MNS1: variants seen among roughly 807,000 people sequenced by gnomAD.
MNS1 encodes meiosis specific nuclear structural 1.
MNS1 carries 63 observed loss-of-function variants against 72.0 expected under a neutral mutation model. The ratio of observed to expected loss-of-function variants is 0.87; its 90% CI spans 0.71 to 1.08. MNS1 has a LOEUF of 1.08. MNS1 is among the 50% of genes least tolerant of loss of function. MNS1 has a pLI of 0.00. For synonymous variants in MNS1, 188 were observed against 172.1 expected (o/e 1.09, Z -0.72); for missense variants, 604 against 562.4 (o/e 1.07, Z -0.75).
chr15:56,451,010 T>G (rs1416917679), intron 3 of MNS1, among the ~76,000 whole-genome samples: 4 of 152,250 alleles, frequency 2.6e-5, no homozygotes, highest in African/African-American at 9.6e-5. Flanking sequence ...TTTCATGTAC[T>G]TATCATTCAC....
intron 8 of MNS1, 123 bp downstream of exon 8, chr15:56,434,015 A>G: frequency 1.9e-6 from 2 of 1,047,772 alleles, no homozygotes; most frequent in Non-Finnish European, 2.7e-6. Flanking sequence ...ATTTATATAT[A>G]TATTAGTAAA....
At chr15:56,459,383 A>G (rs551472118) in intron 2 of MNS1, among the ~76,000 whole-genome samples, 19 of 152,122 alleles carry the variant, frequency 1.2e-4, no homozygotes, top group African/African-American at 4.6e-4. Flanking sequence ...CTGGGTTTCT[A>G]CTTTCTGGGT....
intron 3 of MNS1, among the ~76,000 whole-genome samples, chr15:56,447,988 T>C (rs1196915664): frequency 1.3e-5 from 2 of 152,248 alleles, no homozygotes; most frequent in African/African-American, 4.8e-5. Context: ...TACTCCTTTT[T>C]ATTGCAGGAT....
chr15:56,449,946 G>A (rs1016867623), intron 3 of MNS1, among the ~76,000 whole-genome samples: 3 of 152,038 alleles, frequency 2.0e-5, no homozygotes, highest in Non-Finnish European at 2.9e-5. Flanking sequence ...CTTTTACTCT[G>A]TCATCCCTAC....
chr15:56,459,027 T>C lies in MNS1; in HGVS notation c.226-2506A>G, dbSNP rs187404173. 1.4e-3 allele frequency among the ~76,000 whole-genome samples: 220 copies of C among 152,350 alleles called. 1 individual carries two copies. The highest frequency in any genetic ancestry group is 4.9e-3 in the African/African-American group (205 of 41,574). On this transcript the variant is annotated intron_variant, in intron 2 of 9. Coordinates refer to ENST00000260453, the MANE Select transcript of MNS1 (RefSeq NM_018365.4). ...TATATAGCACATCTGTGTGTACATTTGTGTGTGGCATAAAATGTCAACACT... is the reference window on the plus strand; with the variant it reads ...TATATAGCACATCTGTGTGTACATTCGTGTGTGGCATAAAATGTCAACACT...
intron 1 of MNS1, among the ~76,000 whole-genome samples, chr15:56,464,595 C>CCAT (rs2051046407): frequency 6.6e-6 from 1 of 151,344 alleles, no homozygotes; most frequent in African/African-American, 2.4e-5. Context: ...ACCACCACCA[C>CCAT]CACGACTACC....
chr15:56,431,601 T>TTAGTGTCATAAATAGTTCATC, intron 8 of MNS1, 103 bp from the exon 9 acceptor site: 1 of 1,075,592 alleles, frequency 9.3e-7, no homozygotes, highest in Non-Finnish European at 1.3e-6. Context: ...ATTGATGAAC[T>TTAGTGTCATAAATAGTTCATC]ATTTATGACA....
Position 56,461,638 on chromosome 15 carries a change from G to A in MNS1, c.225+2388C>T, listed in dbSNP as rs553023592. ...ATGGTGCGGCTGCACTCCAGCCTGG[G>A]AGACAGATGAAGACTCTGTCTCAAA... On this transcript the variant is annotated intron_variant, in intron 2 of 9. Coordinates refer to ENST00000260453, the MANE Select transcript of MNS1 (RefSeq NM_018365.4). Among the ~76,000 whole-genome samples, 9 of 122,212 alleles carry A rather than the reference G, an allele frequency of 7.4e-5. No homozygotes were observed. In the East Asian group the frequency reaches 2.0e-3, roughly 27 times the overall value. 80.2% of individuals were successfully genotyped at this position (122,212 alleles called of 152,430 possible).
rs2050591628 is a variant in MNS1 at position 56,431,389 on chromosome 15, A to AG, written c.1378dup (p.Leu460ProfsTer6). The AG allele has an allele frequency of 6.2e-7, 1 of 1,612,232 alleles. No homozygotes were observed. Among genetic ancestry groups the AG allele is most frequent in the African/African-American group, 1.3e-5 (1 of 74,830 alleles). ...CTCACTTACTTTAGGGAGATAGCCT[A>AG]GTAAGTTTGTAGCATGCTCTTTAAG... is the stretch of plus-strand genomic sequence containing the variant. On this transcript the variant is annotated frameshift_variant, in exon 9 of 10. Coordinates refer to ENST00000260453, the MANE Select transcript of MNS1 (RefSeq NM_018365.4). LOFTEE classifies it high-confidence loss of function.
chr15:56,463,739 G>T, intron 2 of MNS1: 1 of 294,700 alleles, frequency 3.4e-6, no homozygotes, highest in South Asian at 6.7e-5. Flanking sequence ...CCAAGATCGT[G>T]CCACTGCACT....
In MNS1 at chr15:56,431,367, A is replaced by G; in HGVS notation, c.1395+6T>C. 1 of 1,609,116 alleles carries G rather than the reference A, an allele frequency of 6.2e-7. No homozygotes were observed. The highest frequency in any genetic ancestry group is 8.5e-7 in the Non-Finnish European group (1 of 1,178,306). On this transcript the variant is annotated splice_donor_region_variant and intron_variant, in intron 9 of 9. Transcript: ENST00000260453. ...AAGATTACAACTTGAGATAAATCTC[A>G]CTTACTTTAGGGAGATAGCCTAGTA...
At chr15:56,441,478 C>T (rs2050813373) in intron 7 of MNS1, among the ~76,000 whole-genome samples, 1 of 152,040 alleles carries the variant, frequency 6.6e-6, no homozygotes, top group South Asian at 2.1e-4. Context: ...CATTGAAATA[C>T]CATTCTGGAC....
At position 56,460,009 on chromosome 15, in the gene MNS1, A is replaced by AAAAAAAAAATATATATAT; in HGVS notation, c.226-3489_226-3488insATATATATATTTTTTTTT. On this transcript the variant is annotated intron_variant, in intron 2 of 9. Coordinates refer to ENST00000260453, the MANE Select transcript of MNS1 (RefSeq NM_018365.4). Reference sequence around the variant, plus strand: ...CTGTCTCAAAAAAAAAAAAAAAAAAAATACATATATATATATATATATATA... The same window carrying AAAAAAAAAATATATATAT: ...CTGTCTCAAAAAAAAAAAAAAAAAAAAAAAAAAAATATATATATATACATATATATATATATATATATA... Among the ~76,000 whole-genome samples the AAAAAAAAAATATATATAT allele has an allele frequency of 1.3e-3, 33 of 26,384 alleles. 6 individuals are homozygous for AAAAAAAAAATATATATAT. The highest frequency in any genetic ancestry group is 3.4e-3 in the East Asian group (3 of 876). The allele number at this position is 26,384 out of a possible 152,430, so 17.3% of individuals were successfully genotyped here. A position where few individuals can be genotyped will look rare whatever the true frequency, so the allele number is the denominator to read the frequency against.
chr15:56,460,838 TAA>T (rs1567155012), intron 2 of MNS1, among the ~76,000 whole-genome samples: 1 of 152,050 alleles, frequency 6.6e-6, no homozygotes, highest in African/African-American at 2.4e-5. Context: ...ACAAAAAATA[TAA>T]GAGAGAAATT....
chr15:56,464,482 A>G (rs1162516201), intron 1 of MNS1, among the ~76,000 whole-genome samples: 1 of 152,122 alleles, frequency 6.6e-6, no homozygotes, highest in African/African-American at 2.4e-5. Context: ...ACTTTACCCA[A>G]GGTTCTGCAG....
intron 7 of MNS1, among the ~76,000 whole-genome samples, chr15:56,435,966 A>G (rs2050717549): frequency 6.6e-6 from 1 of 152,084 alleles, no homozygotes; most frequent in African/African-American, 2.4e-5. Context: ...TGTTTATTAC[A>G]GGGATGCAAG....
chr15:56,464,878 G>T, intron 1 of MNS1, 92 bp downstream of exon 1: 1 of 1,552,198 alleles, frequency 6.4e-7, no homozygotes, highest in Non-Finnish European at 8.9e-7. Flanking sequence ...ACCAGATTAA[G>T]CACTTAAAAT....
At chr15:56,433,665 C>A (rs1309112663) in intron 8 of MNS1, among the ~76,000 whole-genome samples, 1 of 152,122 alleles carries the variant, frequency 6.6e-6, no homozygotes, top group African/African-American at 2.4e-5. Context: ...ACCTTCAATG[C>A]TCTCACTTGA....
In MNS1 at chr15:56,444,586, TGTTTC is replaced by T; in HGVS notation, c.539_543del (p.Arg180GlnfsTer9). ...TCAAGATAGTACTGTGCTTTCGCTT[TGTTTC>T]GTTTGTCTTCTGCAGCATTCTCTTC... On this transcript the variant is annotated frameshift_variant, in exon 5 of 10. Transcript: ENST00000260453. LOFTEE classifies it high-confidence loss of function. The T allele has an allele frequency of 6.2e-7, 1 of 1,613,406 alleles. No individual in the cohort carries two copies.
Sources: allele counts gnomAD v4.1 joint callset (sites outside exome capture counted in the v4.1 genomes callset), GRCh38; gene constraint gnomAD v4.1.1; transcripts MANE v1.5; gene names NCBI Gene and HGNC (gene_info 2026-07-23, HGNC 2026-07-21).